RGS6: variants seen among roughly 807,000 people sequenced by gnomAD.
The protein encoded by RGS6 is regulator of G-protein signaling 6.
Under a neutral mutation model 78.5 loss-of-function variants are expected in RGS6, and 30 were observed. The observed-to-expected ratio is 0.38, with a 90% CI of 0.29 to 0.52. The LOEUF is 0.52. Ranked by LOEUF, RGS6 falls within the 20% of genes least tolerant of loss-of-function variation. The pLI is 0.85. For synonymous variants in RGS6, 206 were observed against 206.0 expected, an observed-to-expected ratio of 1.00 and a Z score of 0.00; for missense variants, 495 against 609.7, an observed-to-expected ratio of 0.81 and a Z score of 1.98.
chr14:72,043,411 T>C (rs990350521), intron 2 of RGS6, among the ~76,000 whole-genome samples: 1 of 152,208 alleles, frequency 6.6e-6, no homozygotes, highest in African/African-American at 2.4e-5. Context: ...TAACATTTTT[T>C]TGATGGGCAA....
At chr14:72,247,019 C>A (rs897569366) in intron 2 of RGS6, among the ~76,000 whole-genome samples, 1 of 152,126 alleles carries the variant, frequency 6.6e-6, no homozygotes, top group Admixed American at 6.6e-5. Flanking sequence ...TCCTGCACAC[C>A]TGCCCAGGCT....
intron 2 of RGS6, among the ~76,000 whole-genome samples, chr14:72,050,848 C>T (rs1202302414): frequency 6.6e-6 from 1 of 152,152 alleles, no homozygotes; most frequent in East Asian, 1.9e-4. Flanking sequence ...GACTGCAGGA[C>T]TTGAGTATGC....
intron 15 of RGS6, 49 bp from the exon 16 acceptor site, chr14:72,536,137 C>T (rs757214459): frequency 9.0e-6 from 12 of 1,327,928 alleles, no homozygotes; most frequent in African/African-American, 1.4e-5. Flanking sequence ...TATTCTTTAG[C>T]ACTGGTTGAC....
chr14:72,132,400 T>TC (rs1414876916), intron 2 of RGS6, among the ~76,000 whole-genome samples: 1 of 151,670 alleles, frequency 6.6e-6, no homozygotes, highest in Non-Finnish European at 1.5e-5. Context: ...GAACTCGGCC[T>TC]CCCACGTAGC....
intron 3 of RGS6, among the ~76,000 whole-genome samples, chr14:72,405,662 A>G (rs1375043331): frequency 6.6e-6 from 1 of 152,224 alleles, no homozygotes; most frequent in Non-Finnish European, 1.5e-5. Flanking sequence ...CCTGTAACCC[A>G]TGTGGCCTTG....
intron 3 of RGS6, among the ~76,000 whole-genome samples, chr14:72,357,900 C>T (rs1161103794): frequency 2.0e-5 from 3 of 152,298 alleles, no homozygotes; most frequent in South Asian, 2.1e-4. Context: ...CACCTCCCAC[C>T]ACAGGCCCAG....
chr14:72,122,223 T>A (rs1401626439), intron 2 of RGS6, among the ~76,000 whole-genome samples: 1 of 152,120 alleles, frequency 6.6e-6, no homozygotes, highest in African/African-American at 2.4e-5. Flanking sequence ...AGCTCTGAGA[T>A]GAGGTGTATC....
intron 10 of RGS6, among the ~76,000 whole-genome samples, chr14:72,475,830 GCACACA>G (rs1555424335): frequency 2.7e-5 from 4 of 145,606 alleles, no homozygotes; most frequent in African/African-American, 5.2e-5. Flanking sequence ...AAAAATACAC[GCACACA>G]CACACACACA....
At chr14:72,521,569 A>G (rs1484840053) in intron 15 of RGS6, among the ~76,000 whole-genome samples, 3 of 152,230 alleles carry the variant, frequency 2.0e-5, no homozygotes, top group East Asian at 3.8e-4. Flanking sequence ...AGACATGAGG[A>G]TGTCTTAAGC....
intron 2 of RGS6, among the ~76,000 whole-genome samples, chr14:72,169,946 A>G (rs764676877): frequency 2.6e-5 from 4 of 152,170 alleles, no homozygotes; most frequent in Non-Finnish European, 5.9e-5. Context: ...TTTGAGAAAT[A>G]TTGCCCTTTG....
the RGS6 span, among the ~76,000 whole-genome samples, chr14:72,580,313 C>A: frequency 1.6e-4 from 23 of 145,784 alleles, no homozygotes; most frequent in East Asian, 8.3e-4. Context: ...AATGTCCCCC[C>A]CACCCCGACC....
Position 72,190,199 on chromosome 14 carries a change from C to T in RGS6, c.85-161896C>T, listed in dbSNP as rs547299087. ...CATGGTTCCTCCCTGAGCCTCTCTC[C>T]CTAGGGAGGGAAGCACAAGGAACTC... is the stretch of plus-strand genomic sequence containing the variant. On this transcript the variant is annotated intron_variant, in intron 2 of 17. Transcript: ENST00000553525. Among the ~76,000 whole-genome samples, 5 of 152,276 alleles carry T rather than the reference C, an allele frequency of 3.3e-5. No individual in the cohort carries two copies. The South Asian group carries it at 6.2e-4, about 19-fold the overall frequency.
intron 2 of RGS6, among the ~76,000 whole-genome samples, chr14:72,220,412 G>A (rs1015948144): frequency 1.3e-5 from 2 of 152,140 alleles, no homozygotes; most frequent in African/African-American, 4.8e-5. Context: ...TTGCAACTAA[G>A]AGTAGTAATT....
At chr14:72,081,369 C>T (rs2094818227) in intron 2 of RGS6, among the ~76,000 whole-genome samples, 2 of 151,986 alleles carry the variant, frequency 1.3e-5, no homozygotes, top group South Asian at 4.1e-4. Context: ...ATTTTATCTT[C>T]TTGAGATCTT....
intron 2 of RGS6, among the ~76,000 whole-genome samples, chr14:71,995,656 C>A (rs2095169259): frequency 1.3e-5 from 2 of 152,116 alleles, no homozygotes; most frequent in African/African-American, 4.8e-5. Flanking sequence ...GAGATTGGAA[C>A]CTGACACGTA....
intron 13 of RGS6, among the ~76,000 whole-genome samples, chr14:72,503,625 A>G (rs2096759061): frequency 6.6e-6 from 1 of 152,236 alleles, no homozygotes; most frequent in South Asian, 2.1e-4. Flanking sequence ...AATGGGTTCC[A>G]AGTAAGTCCA....
At chr14:72,608,116 A>G in the RGS6 span, among the ~76,000 whole-genome samples, 2 of 151,854 alleles carry the variant, frequency 1.3e-5, no homozygotes, top group African/African-American at 4.8e-5. Context: ...TTCCCCCTTG[A>G]CCCCGTTCAT....
intron 2 of RGS6, among the ~76,000 whole-genome samples, chr14:72,103,787 G>A (rs1484297524): frequency 1.3e-5 from 2 of 152,152 alleles, no homozygotes; most frequent in African/African-American, 2.4e-5. Flanking sequence ...ATGACACATC[G>A]TCACTTCCAC....
intron 2 of RGS6, among the ~76,000 whole-genome samples, chr14:72,155,100 G>A (rs2096751573): frequency 6.6e-6 from 1 of 152,216 alleles, no homozygotes; most frequent in Non-Finnish European, 1.5e-5. Context: ...CAGAAAAAAT[G>A]TATCATTCCC....
Sources: allele counts gnomAD v4.1 joint callset (sites outside exome capture counted in the v4.1 genomes callset), GRCh38; gene constraint gnomAD v4.1.1; transcripts MANE v1.5; gene names NCBI Gene and HGNC (gene_info 2026-07-23, HGNC 2026-07-21).